LATS2: variants seen among roughly 807,000 people sequenced by gnomAD.
LATS2 encodes the protein large tumor suppressor kinase 2, also known as serine/threonine-protein kinase LATS2.
LATS2 carries 24 observed loss-of-function variants against 76.0 expected under a neutral mutation model. That is an observed-to-expected ratio of 0.32 (90% CI 0.23 to 0.44). LATS2 has a LOEUF of 0.44. LATS2 is among the 20% of genes least tolerant of loss of function. The pLI, the probability that LATS2 is intolerant of heterozygous loss-of-function variation, is 1.00. For synonymous variants in LATS2, 692 were observed against 635.4 expected (o/e 1.09, Z -1.34); for missense variants, 1,286 against 1,481.2 (o/e 0.87, Z 2.16).
intron 4 of LATS2, among the ~76,000 whole-genome samples, chr13:20,985,167 C>A (rs897765028): frequency 6.6e-6 from 1 of 152,022 alleles, no homozygotes; most frequent in Non-Finnish European, 1.5e-5. Flanking sequence ...GAAATAAGAC[C>A]AGAGGCTATG....
intron 1 of LATS2, among the ~76,000 whole-genome samples, chr13:21,054,772 A>G (rs566013196): frequency 1.3e-5 from 2 of 152,220 alleles, no homozygotes; most frequent in African/African-American, 4.8e-5. Flanking sequence ...TTCTTTTTCC[A>G]TTCCCCCCTC....
rs71200328 is a variant in LATS2, at chr13:21,050,147, G to GATAGATAGATACATACATACATACATAC, written c.-204-3918_-204-3917insGTATGTATGTATGTATGTATCTATCTAT. On this transcript the variant is annotated intron_variant, in intron 1 of 7. Transcript: ENST00000382592. ...AGACAGATAGATAGATAGATAGATAGATACATACATACATACATACATACA... is the reference window on the plus strand; with the variant it reads ...AGACAGATAGATAGATAGATAGATAGATAGATAGATACATACATACATACATACATACATACATACATACATACATACA... Among the ~76,000 whole-genome samples the GATAGATAGATACATACATACATACATAC allele has an allele frequency of 4.3e-3, 233 of 53,840 alleles. 5 individuals are homozygous for GATAGATAGATACATACATACATACATAC. The highest frequency in any genetic ancestry group is 7.3e-3 in the Non-Finnish European group (160 of 22,060). The allele number at this position is 53,840 out of a possible 152,430, so 35.3% of individuals were successfully genotyped here.
intron 2 of LATS2, among the ~76,000 whole-genome samples, chr13:21,015,391 C>T (rs1343001744): frequency 1.3e-5 from 2 of 152,134 alleles, no homozygotes; most frequent in African/African-American, 4.8e-5. Context: ...ACATCATACT[C>T]CCTTGTGGCA....
At chr13:20,977,618 TTAAA>T (rs1285742641) in intron 7 of LATS2, among the ~76,000 whole-genome samples, 4 of 127,108 alleles carry the variant, frequency 3.1e-5, no homozygotes, top group Non-Finnish European at 4.7e-5. Context: ...AAAATAATTA[TTAAA>T]TAAATGGTAA....
At position 20,991,345 on chromosome 13, in the gene LATS2, C is replaced by A. The variant is rs1476719883; in HGVS notation, c.402G>T (p.Glu134Asp). 1 of 1,614,070 alleles carries A rather than the reference C, an allele frequency of 6.2e-7. No individual in the cohort carries two copies. Among genetic ancestry groups the A allele is most frequent in the Non-Finnish European group, 8.5e-7 (1 of 1,180,048 alleles). ...TGSRSIEAAL[E>D]YISKMGYLDP... The stretch of plus-strand genomic sequence containing the variant: ...CCAGGTAGCCCATCTTGCTGATGTA[C>A]TCCAGGGCGGCCTCGATGCTCCTGC... The change falls in exon 3 of 8, where the codon GAG becomes GAT. Residue 134 changes from glutamate to aspartate, a missense_variant. Physicochemically the swap from Glu to Asp is conservative, Grantham distance 45 (BLOSUM62 2). Transcript: ENST00000382592. The surrounding 1 kb of genome is among the most constrained non-coding windows in gnomAD (Gnocchi z 4.9).
intron 2 of LATS2, among the ~76,000 whole-genome samples, chr13:21,007,304 G>A (rs1298910866): frequency 6.6e-6 from 1 of 150,626 alleles, no homozygotes; most frequent in Admixed American, 6.7e-5. Flanking sequence ...CTACCAATTG[G>A]AATTTCTTCT....
intron 7 of LATS2, among the ~76,000 whole-genome samples, chr13:20,978,512 A>T (rs73443306): frequency 0.02 from 3,016 of 152,308 alleles, 97 homozygotes; most frequent in African/African-American, 0.067. Flanking sequence ...GCCTGACCAC[A>T]TAGCTGACAG....
intron 6 of LATS2, among the ~76,000 whole-genome samples, chr13:20,980,231 T>C (rs1008969595): frequency 3.9e-5 from 6 of 151,954 alleles, no homozygotes; most frequent in Admixed American, 6.6e-5. Context: ...AATACGGAGA[T>C]GAGGAGGAGG....
At chr13:21,007,918 AC>A (rs1470395395) in intron 2 of LATS2, among the ~76,000 whole-genome samples, 2 of 147,660 alleles carry the variant, frequency 1.4e-5, no homozygotes, top group Admixed American at 6.8e-5. Flanking sequence ...AATCATCACA[AC>A]CGACTAATTT....
chr13:21,045,291 C>T (rs1373429007), intron 2 of LATS2, among the ~76,000 whole-genome samples: 1 of 151,860 alleles, frequency 6.6e-6, no homozygotes, highest in Non-Finnish European at 1.5e-5. Flanking sequence ...AAAAAAAATG[C>T]ACAAACCAAA....
At chr13:21,020,536 G>GA (rs1197251274) in intron 2 of LATS2, among the ~76,000 whole-genome samples, 4 of 151,958 alleles carry the variant, frequency 2.6e-5, no homozygotes, top group Non-Finnish European at 4.4e-5. Flanking sequence ...AATGTTAAGG[G>GA]AAAAAAATCA....
At chr13:21,042,247 C>T (rs548164753) in intron 2 of LATS2, among the ~76,000 whole-genome samples, 58 of 152,186 alleles carry the variant, frequency 3.8e-4, no homozygotes, top group African/African-American at 1.4e-3. Context: ...AGAAAATACC[C>T]TTGAGTCTTT....
At chr13:21,044,691 T>G (rs867726952) in intron 2 of LATS2, among the ~76,000 whole-genome samples, 109 of 1,442 alleles carry the variant, frequency 0.076, no homozygotes, top group African/African-American at 0.1. Context: ...GGTGTAGGGG[T>G]GTGTGTGTGT....
intron 1 of LATS2, among the ~76,000 whole-genome samples, chr13:21,060,901 A>G (rs67145022): frequency 1 from 151,185 of 151,188 alleles, 75,591 homozygotes; most frequent in Non-Finnish European, 1. Flanking sequence ...GCGTCTAGTG[A>G]AAAGCCGATC....
chr13:21,025,152 G>A (rs1418331539), intron 2 of LATS2, among the ~76,000 whole-genome samples: 6 of 151,648 alleles, frequency 4.0e-5, no homozygotes, highest in East Asian at 1.9e-4. Context: ...GGCCAGGTGC[G>A]GTGGCTCACC....
intron 1 of LATS2, among the ~76,000 whole-genome samples, chr13:21,050,530 A>G (rs1234913082): frequency 6.6e-6 from 1 of 152,226 alleles, no homozygotes; most frequent in Non-Finnish European, 1.5e-5. Flanking sequence ...CACGTAGTAT[A>G]TATATAGCAG....
intron 4 of LATS2, among the ~76,000 whole-genome samples, chr13:20,984,368 A>C (rs1870048873): frequency 1.3e-5 from 2 of 152,226 alleles, no homozygotes; most frequent in African/African-American, 4.8e-5. Flanking sequence ...ATCTGTGGAA[A>C]AGGGGACCAC....
At position 21,016,966 on chromosome 13, in the gene LATS2, G is replaced by C. The variant is rs146259834; in HGVS notation, c.343-25562C>G. Among the ~76,000 whole-genome samples, 108 of 152,130 alleles carry C rather than the reference G, an allele frequency of 7.1e-4. 2 individuals are homozygous for C. Among genetic ancestry groups the C allele is most frequent in the African/African-American group, 2.3e-3 (96 of 41,514 alleles). On this transcript the variant is annotated intron_variant, in intron 2 of 7. Coordinates refer to ENST00000382592, the MANE Select transcript of LATS2 (RefSeq NM_014572.3). ...ATGCATCTGTTCTCAGACATAAGAG[G>C]GATTACAGCATCAAATCACTTATGA...
At chr13:21,023,573 C>A (rs1256448147) in intron 2 of LATS2, among the ~76,000 whole-genome samples, 1 of 139,474 alleles carries the variant, frequency 7.2e-6, no homozygotes, top group African/African-American at 2.8e-5. Flanking sequence ...TGGTCAATAA[C>A]ACAGCAAGGT....
Sources: allele counts gnomAD v4.1 joint callset (sites outside exome capture counted in the v4.1 genomes callset), GRCh38; gene constraint gnomAD v4.1.1; non-coding constraint Gnocchi (gnomAD v3.1); transcripts MANE v1.5; gene names NCBI Gene and HGNC (gene_info 2026-07-23, HGNC 2026-07-21).